Variants in KIAA2012 observed in about 807,000 individuals in gnomAD.
The protein encoded by KIAA2012 is KIAA2012, also known as uncharacterized protein KIAA2012.
A neutral mutation model predicts 150.6 loss-of-function variants in KIAA2012; 125 were observed. The ratio of observed to expected loss-of-function variants is 0.83; its 90% confidence interval spans 0.72 to 0.96. The LOEUF (loss-of-function observed/expected upper bound fraction) is 0.96, where lower values mean the gene tolerates loss of function less well. Among genes scored for constraint, KIAA2012 ranks in the 40% least tolerant of loss-of-function variants. KIAA2012 has a pLI of 0.00. For missense variants in KIAA2012, 1,219 were observed against 1,354.9 expected, an observed-to-expected ratio of 0.90 and a Z score of 1.57; for synonymous variants, 462 against 504.7, an observed-to-expected ratio of 0.92 and a Z score of 1.13.
intron 23 of KIAA2012, among the ~76,000 whole-genome samples, chr2:202,203,571 A>G (rs550332449): frequency 1.3e-5 from 2 of 152,334 alleles, no homozygotes; most frequent in African/African-American, 4.8e-5. Flanking sequence ...TCAAGTGCTC[A>G]GTGGTCATGT....
chr2:202,143,171 G>C lies in KIAA2012; in HGVS notation c.1908+4663G>C, dbSNP rs189767655. 3.7e-4 allele frequency among the ~76,000 whole-genome samples: 53 copies of C among 144,734 alleles called. 1 individual carries two copies. The highest frequency in any genetic ancestry group is 8.0e-4 in the Admixed American group (11 of 13,836). The allele number at this position is 144,734 out of a possible 152,430, so 95.0% of individuals were successfully genotyped here. ...ACAAACTCGGCTCACTGCAACCTCC[G>C]CCTCCAGGGTTCAAGCAATTCTCTT... On this transcript the variant is annotated intron_variant, in intron 13 of 23. Transcript: ENST00000498697.
At position 202,186,981 on chromosome 2, in the gene KIAA2012, C is replaced by T. The variant is rs1031263313; in HGVS notation, c.2259C>T (p.Tyr753=). Residue 753 remains tyrosine (Y), a synonymous_variant, in exon 17 of 24, where the codon TAC becomes TAT. Coordinates refer to ENST00000498697, the MANE Select transcript of KIAA2012 (RefSeq NM_001277372.4). ...VHHLHRGLLG[Y]GPESPERLSA... ...ACCTACACAGAGGACTTCTGGGATACGGGCCTGAGTCACCCGAGAGGTTGA... is the reference window on the plus strand; with the variant it reads ...ACCTACACAGAGGACTTCTGGGATATGGGCCTGAGTCACCCGAGAGGTTGA... The T allele has an allele frequency of 2.8e-5, 43 of 1,550,444 alleles. No individual in the cohort carries two copies. The highest frequency in any genetic ancestry group is 8.2e-5 in the African/African-American group (6 of 73,036).
Position 202,075,050 on chromosome 2 carries a change from G to A in KIAA2012, c.244G>A (p.Ala82Thr). The change falls in exon 2 of 24, where the codon GCA (alanine) becomes ACA (threonine). Residue 82 changes from alanine to threonine, a missense_variant. Transcript: ENST00000498697. ...ILYSEGFAIS[A>T]WTPKERRKGP... ...GTACTCAGAAGGTTTTGCCATTTCGGCATGGACACCCAAAGAGAGGAGAAA... is the reference window on the plus strand; with the variant it reads ...GTACTCAGAAGGTTTTGCCATTTCGACATGGACACCCAAAGAGAGGAGAAA... 1 of 1,550,598 alleles carries A rather than the reference G, an allele frequency of 6.4e-7. No homozygotes were observed. The highest frequency in any genetic ancestry group is 8.7e-7 in the Non-Finnish European group (1 of 1,147,006).
intron 4 of KIAA2012, among the ~76,000 whole-genome samples, chr2:202,096,320 G>A (rs985828515): frequency 3.3e-5 from 5 of 152,066 alleles, no homozygotes; most frequent in Admixed American, 2.0e-4. Flanking sequence ...TGTAGCCCTG[G>A]GTCACCTCAT....
Position 202,097,581 on chromosome 2 carries a change from CCATTT to C in KIAA2012, c.828+6_828+10del, listed in dbSNP as rs1208130717. On this transcript the variant is annotated splice_donor_5th_base_variant and intron_variant, in intron 5 of 23. Coordinates refer to ENST00000498697, the MANE Select transcript of KIAA2012 (RefSeq NM_001277372.4). ...GGAAGATGAAACGCAGGCAGAGGTA[CCATTT>C]CTTTTTTTTTTTTTTTTCCCCGAGA... is the stretch of plus-strand genomic sequence containing the variant. 6.6e-7 allele frequency: 1 copy of C among 1,519,940 alleles called. No individual in the cohort carries two copies. The highest frequency in any genetic ancestry group is 1.5e-5 in the African/African-American group (1 of 67,044). 94.2% of individuals were successfully genotyped at this position (1,519,940 alleles called of 1,614,324 possible). A position where few individuals can be genotyped will look rare whatever the true frequency, so the allele number is the denominator to read the frequency against.
intron 4 of KIAA2012, among the ~76,000 whole-genome samples, chr2:202,095,963 A>G (rs1173276512): frequency 6.6e-6 from 1 of 152,154 alleles, no homozygotes; most frequent in Non-Finnish European, 1.5e-5. Flanking sequence ...GCATGCCTAT[A>G]ATCCCAGCTA....
chr2:202,191,553 CA>C (rs11306656), intron 19 of KIAA2012, among the ~76,000 whole-genome samples: 140,817 of 143,946 alleles, frequency 0.98, 68,903 homozygotes, highest in East Asian at 1. Flanking sequence ...TATCTCTAAC[CA>C]AAAAAAAAAA....
chr2:202,200,997 C>T lies in KIAA2012; in HGVS notation c.3408-1432C>T, dbSNP rs141153726. 7.3e-3 allele frequency among the ~76,000 whole-genome samples: 1,116 copies of T among 152,172 alleles called. 17 individuals are homozygous for T. Among genetic ancestry groups the T allele is most frequent in the African/African-American group, 0.026 (1,071 of 41,514 alleles). On this transcript the variant is annotated intron_variant, in intron 22 of 23. Coordinates refer to ENST00000498697, the MANE Select transcript of KIAA2012 (RefSeq NM_001277372.4). ...CTGGGATTACAGGCGTGAGCCACCG[C>T]GCCTGGCCGTAATTTGGCAACTTTA...
At chr2:202,114,808 T>G (rs1286174951) in intron 11 of KIAA2012, 1 of 163,122 alleles carries the variant, frequency 6.1e-6, no homozygotes, top group African/African-American at 2.4e-5. Flanking sequence ...AATGAAGACA[T>G]GCCTGCCATC....
chr2:202,110,028 C>T (rs895433741), intron 10 of KIAA2012, among the ~76,000 whole-genome samples: 1 of 152,184 alleles, frequency 6.6e-6, no homozygotes, highest in Non-Finnish European at 1.5e-5. Flanking sequence ...TTGGGCTTTC[C>T]TCACTCCTGG....
chr2:202,085,894 G>A (rs1039835276), intron 2 of KIAA2012, among the ~76,000 whole-genome samples: 22 of 152,038 alleles, frequency 1.4e-4, no homozygotes, highest in African/African-American at 4.1e-4. Flanking sequence ...TAATGGCCAG[G>A]CGCAGTGGCT....
At chr2:202,075,417 T>C (rs182581535) in intron 2 of KIAA2012, among the ~76,000 whole-genome samples, 1 of 152,304 alleles carries the variant, frequency 6.6e-6, no homozygotes, top group Non-Finnish European at 1.5e-5. Flanking sequence ...GGCTACATTA[T>C]CATCATTTTA....
chr2:202,201,615 T>C, intron 22 of KIAA2012: 1 of 1,610,224 alleles, frequency 6.2e-7, no homozygotes, highest in East Asian at 2.2e-5. Context: ...AACTGGATAA[T>C]AAGCCATGGG....
At chr2:202,167,897 G>T (rs1691804888) in intron 15 of KIAA2012, among the ~76,000 whole-genome samples, 1 of 152,040 alleles carries the variant, frequency 6.6e-6, no homozygotes, top group African/African-American at 2.4e-5. Context: ...GAATTGGTTG[G>T]CAGGCACTGT....
At chr2:202,132,804 T>TATATG (rs1406217354) in intron 12 of KIAA2012, among the ~76,000 whole-genome samples, 4 of 100,326 alleles carry the variant, frequency 4.0e-5, no homozygotes, top group Non-Finnish European at 9.0e-5. Flanking sequence ...ATATATATAT[T>TATATG]TTTTTTTTCA....
At chr2:202,203,219 G>GTATC (rs1692563876) in intron 23 of KIAA2012, among the ~76,000 whole-genome samples, 1 of 152,122 alleles carries the variant, frequency 6.6e-6, no homozygotes, top group South Asian at 2.1e-4. Flanking sequence ...TTCAGTCAAT[G>GTATC]TATCTGAAAG....
At chr2:202,167,970 C>A (rs985097540) in intron 15 of KIAA2012, among the ~76,000 whole-genome samples, 37 of 152,308 alleles carry the variant, frequency 2.4e-4, no homozygotes, top group African/African-American at 8.9e-4. Flanking sequence ...GGTTCAAGTT[C>A]TAGCACCACC....
chr2:202,176,566 A>T (rs930378094), intron 15 of KIAA2012, among the ~76,000 whole-genome samples: 4 of 152,364 alleles, frequency 2.6e-5, no homozygotes, highest in African/African-American at 9.6e-5. Context: ...CAAATTGCAG[A>T]TTAGAAGGAG....
intron 14 of KIAA2012, among the ~76,000 whole-genome samples, chr2:202,164,674 G>A (rs938291780): frequency 1.3e-5 from 2 of 152,184 alleles, no homozygotes; most frequent in African/African-American, 2.4e-5. Flanking sequence ...GGCCATGGGG[G>A]TTTGACTCCT....
Sources: gnomAD v4.1 joint callset for allele counts (sites outside exome capture counted in the v4.1 genomes callset) on GRCh38, gnomAD v4.1.1 for gene constraint, MANE v1.5 for transcripts, NCBI Gene and HGNC (gene_info 2026-07-23, HGNC 2026-07-21) for gene names.